The following DOCK1 variants were observed in gnomAD, a reference collection of about 807,000 sequenced individuals.
The protein encoded by DOCK1 is dedicator of cytokinesis 1.
DOCK1 carries 138 observed loss-of-function variants against 262.7 expected under a neutral mutation model. The observed-to-expected ratio is 0.53, with a 90% confidence interval of 0.46 to 0.61. DOCK1 has a LOEUF of 0.61. Ranked by LOEUF, DOCK1 falls within the 20% of genes least tolerant of loss-of-function variation. DOCK1 has a pLI of 0.00. For missense variants in DOCK1, 1,908 were observed against 2,370.7 expected, an observed-to-expected ratio of 0.80 and a Z score of 4.05; for synonymous variants, 866 against 867.4, an observed-to-expected ratio of 1.00 and a Z score of 0.03.
chr10:127,142,717 C>G (rs2051385646), intron 27 of DOCK1, among the ~76,000 whole-genome samples: 1 of 152,194 alleles, frequency 6.6e-6, no homozygotes, highest in Non-Finnish European at 1.5e-5. Context: ...CACCTCCATT[C>G]TCCCTCCAGA....
intron 29 of DOCK1, among the ~76,000 whole-genome samples, chr10:127,295,376 C>A (rs1454780509): frequency 6.6e-6 from 1 of 152,124 alleles, no homozygotes; most frequent in Non-Finnish European, 1.5e-5. Flanking sequence ...CTCATTGCCA[C>A]AGGGAAGGCA....
At chr10:126,951,772 G>A (rs950021386) in intron 1 of DOCK1, among the ~76,000 whole-genome samples, 23 of 152,044 alleles carry the variant, frequency 1.5e-4, no homozygotes, top group Middle Eastern at 3.4e-3. Context: ...ATGGAAACAC[G>A]CTGTGACAGG....
chr10:127,252,738 T>A (rs2059695503), intron 28 of DOCK1, among the ~76,000 whole-genome samples: 1 of 151,190 alleles, frequency 6.6e-6, no homozygotes, highest in African/African-American at 2.4e-5. Flanking sequence ...TCTGTTCCAT[T>A]GATCTATATC....
At chr10:126,913,550 G>A (rs1329115718) in intron 1 of DOCK1, among the ~76,000 whole-genome samples, 1 of 152,200 alleles carries the variant, frequency 6.6e-6, no homozygotes, top group African/African-American at 2.4e-5. Flanking sequence ...AGCTCATGGG[G>A]CAAGGGAGGG....
chr10:127,296,910 T>G (rs1156527036), intron 29 of DOCK1, among the ~76,000 whole-genome samples: 3 of 152,124 alleles, frequency 2.0e-5, no homozygotes, highest in Non-Finnish European at 2.9e-5. Context: ...GGCCCATCAG[T>G]GGCTGGAGGT....
intron 25 of DOCK1, among the ~76,000 whole-genome samples, chr10:127,120,881 T>C (rs2049515477): frequency 6.6e-6 from 1 of 152,234 alleles, no homozygotes; most frequent in Admixed American, 6.5e-5. Flanking sequence ...TGTATAATAC[T>C]ATACCTTCTG....
chr10:126,923,436 CAACATGGTGA>C (rs2033396909), intron 1 of DOCK1, among the ~76,000 whole-genome samples: 1 of 151,934 alleles, frequency 6.6e-6, no homozygotes. Context: ...CCAGCCTGGC[CAACATGGTGA>C]AACCCCATAA....
At chr10:127,232,012 A>T (rs1014600826) in intron 27 of DOCK1, among the ~76,000 whole-genome samples, 4 of 152,176 alleles carry the variant, frequency 2.6e-5, no homozygotes, top group Admixed American at 1.3e-4. Flanking sequence ...TAAACAATTT[A>T]TGCAATTTGT....
In DOCK1 at chr10:127,343,707, A is replaced by G; in HGVS notation, c.3185A>G (p.Glu1062Gly). The G allele has an allele frequency of 1.2e-6, 2 of 1,611,282 alleles. No individual in the cohort carries two copies. The highest frequency in any genetic ancestry group is 1.7e-6 in the Non-Finnish European group (2 of 1,178,844). Residue 1062 changes from glutamate (E) to glycine (G), a missense_variant, in exon 31 of 52, where the codon GAG (glutamate) becomes GGG (glycine). Physicochemically the swap from Glu to Gly is moderately conservative, Grantham distance 98. Around this residue, in one of 9 missense-constraint regions of DOCK1, gnomAD observed 518 missense variants for 575.1 expected, o/e 0.90. Coordinates refer to ENST00000623213, the MANE Select transcript of DOCK1 (RefSeq NM_001290223.2). ...AFLTQESLQL[E>G]NFSSAKRAKI... ...CTTACTCAAGAGTCCCTGCAACTGGAGAATTTTTCAAGTGCCAAGAGAGCC... is the reference window on the plus strand; with the variant it reads ...CTTACTCAAGAGTCCCTGCAACTGGGGAATTTTTCAAGTGCCAAGAGAGCC...
intron 2 of DOCK1, among the ~76,000 whole-genome samples, chr10:126,977,647 C>T (rs550808768): frequency 2.0e-5 from 3 of 152,260 alleles, no homozygotes; most frequent in Admixed American, 6.5e-5. Context: ...AAGGACAAGT[C>T]CTGCTCTTGG....
chr10:126,987,843 G>T (rs2039520252), intron 5 of DOCK1, among the ~76,000 whole-genome samples: 1 of 152,176 alleles, frequency 6.6e-6, no homozygotes, highest in Non-Finnish European at 1.5e-5. Context: ...ATTACAGTGA[G>T]CTGTAGCAGA....
rs2062347196 is a variant in DOCK1, at chr10:127,317,734, AG to A, written c.3045-21270del. Reference sequence around the variant, plus strand: ...TAATGAACTTGGCCAGCTTTGAAACAGGAAGTTTTTGAAACTTGCCGGTGTG... The same window carrying A: ...TAATGAACTTGGCCAGCTTTGAAACAGAAGTTTTTGAAACTTGCCGGTGTG... On this transcript the variant is annotated intron_variant, in intron 29 of 51. Coordinates refer to ENST00000623213, the MANE Select transcript of DOCK1 (RefSeq NM_001290223.2). Among the ~76,000 whole-genome samples, 3 of 152,160 alleles carry A rather than the reference AG, an allele frequency of 2.0e-5. No individual in the cohort carries two copies. In the South Asian group the frequency reaches 6.2e-4, roughly 32 times the overall value.
chr10:127,055,425 C>A (rs1591829443), intron 22 of DOCK1, among the ~76,000 whole-genome samples: 1 of 152,192 alleles, frequency 6.6e-6, no homozygotes, highest in Admixed American at 6.5e-5. Context: ...TTCCTCATCC[C>A]TAGAAAGTGT....
At chr10:126,931,444 C>A (rs920896449) in intron 1 of DOCK1, among the ~76,000 whole-genome samples, 1 of 151,918 alleles carries the variant, frequency 6.6e-6, no homozygotes, top group East Asian at 1.9e-4. Context: ...CTGGTGGCAC[C>A]GGGGGAAGCG....
At position 127,153,790 on chromosome 10, in the gene DOCK1, T is replaced by C. The variant is rs569715532; in HGVS notation, c.2847+26026T>C. The C allele has an allele frequency of 2.3e-5, 30 of 1,305,618 alleles. No individual in the cohort carries two copies. The South Asian group carries it at 3.6e-4, about 16-fold the overall frequency. The allele number at this position is 1,305,618 out of a possible 1,614,324, so 80.9% of individuals were successfully genotyped here. On this transcript the variant is annotated intron_variant, in intron 27 of 51. Transcript: ENST00000623213. Reference sequence around the variant, plus strand: ...CATGGCCCCAGATCGTTCTTGCATTTGTGGGTAAACATCATTTGTCACTCA... The same window carrying C: ...CATGGCCCCAGATCGTTCTTGCATTCGTGGGTAAACATCATTTGTCACTCA...
chr10:127,114,202 C>A (rs998781794), intron 25 of DOCK1, among the ~76,000 whole-genome samples: 1 of 152,164 alleles, frequency 6.6e-6, no homozygotes, highest in Non-Finnish European at 1.5e-5. Flanking sequence ...TGCTCTTCTG[C>A]TGGTACCTAG....
intron 27 of DOCK1, among the ~76,000 whole-genome samples, chr10:127,163,841 C>T (rs868723613): frequency 2.8e-5 from 4 of 144,274 alleles, no homozygotes; most frequent in South Asian, 2.2e-4. Flanking sequence ...TCCTGGTGGA[C>T]GTGTTCCAGG....
At chr10:127,370,515 T>C (rs1432208266) in intron 33 of DOCK1, among the ~76,000 whole-genome samples, 1 of 152,166 alleles carries the variant, frequency 6.6e-6, no homozygotes, top group African/African-American at 2.4e-5. Flanking sequence ...AAATTATAGA[T>C]GCATTAGAGT....
At chr10:127,094,887 C>T (rs1377818305) in intron 23 of DOCK1, among the ~76,000 whole-genome samples, 4 of 152,196 alleles carry the variant, frequency 2.6e-5, no homozygotes, top group Non-Finnish European at 4.4e-5. Flanking sequence ...TTGGAAGTCA[C>T]GCTTTGCCTC....
Sources: allele counts gnomAD v4.1 joint callset (sites outside exome capture counted in the v4.1 genomes callset), GRCh38; gene constraint gnomAD v4.1.1; regional missense constraint gnomAD v4.1.1; transcripts MANE v1.5; gene names NCBI Gene and HGNC (gene_info 2026-07-23, HGNC 2026-07-21).